The following IRAG2 variants were observed in gnomAD, a reference collection of about 807,000 sequenced individuals.
IRAG2 encodes the protein inositol 1,4,5-triphosphate receptor associated 2.
In IRAG2, 45 loss-of-function variants were observed where a neutral mutation model predicts 69.9. The ratio of observed to expected loss-of-function variants is 0.64; its 90% CI spans 0.51 to 0.83. IRAG2 has a LOEUF of 0.83. IRAG2 is among the 40% of genes least tolerant of loss of function. IRAG2 has a pLI of 0.00. For missense variants in IRAG2, 520 were observed against 587.0 expected, an observed-to-expected ratio of 0.89 and a Z score of 1.18; for synonymous variants, 193 against 202.4, an observed-to-expected ratio of 0.95 and a Z score of 0.40.
exon 15 of IRAG2, chr12:25,036,610 C>A: frequency 5.0e-6 from 2 of 398,866 alleles, no homozygotes; most frequent in Non-Finnish European, 8.8e-6. Flanking sequence ...AAAATTGCAA[C>A]CCTCATTGAA....
At chr12:25,057,044 AC>A (rs369521696) in intron 1 of IRAG2, among the ~76,000 whole-genome samples, 2 of 151,794 alleles carry the variant, frequency 1.3e-5, no homozygotes, top group African/African-American at 4.8e-5. Context: ...CTTTCACCCC[AC>A]CACCACTGTT....
intron 9 of IRAG2, among the ~76,000 whole-genome samples, chr12:25,028,464 G>T: frequency 6.6e-6 from 1 of 151,646 alleles, no homozygotes; most frequent in Admixed American, 6.6e-5. Flanking sequence ...TTTTTTTGTA[G>T]TTTACCAACC....
rs145357908 is a variant in IRAG2, at chr12:25,021,377, A to G, written c.1332+470A>G. Among the ~76,000 whole-genome samples the G allele has an allele frequency of 1.0e-2, 1,516 of 152,194 alleles. 30 individuals are homozygous for G. The highest frequency in any genetic ancestry group is 0.035 in the African/African-American group (1,442 of 41,516). The stretch of plus-strand genomic sequence containing the variant: ...AATGCCTCCTAAAGTCGATAGGAGA[A>G]TTCAAAAATATCTGATACTAAAAAC... On this transcript the variant is annotated intron_variant, in intron 7 of 38. Coordinates refer to the IRAG2 transcript ENST00000636465.
intron 17 of IRAG2, chr12:25,102,856 T>G (rs1948833873): frequency 1.3e-5 from 2 of 152,276 alleles, no homozygotes. Context: ...GAAGGTCAAC[T>G]GGCAGGTTTT....
intron 10 of IRAG2, among the ~76,000 whole-genome samples, chr12:25,087,487 C>T (rs1050869598): frequency 1.3e-5 from 2 of 152,076 alleles, no homozygotes; most frequent in African/African-American, 4.8e-5. Flanking sequence ...CTATTAAGAG[C>T]ACTTGTTTAT....
intron 10 of IRAG2, among the ~76,000 whole-genome samples, chr12:25,086,109 CTT>C (rs1947587529): frequency 6.6e-6 from 1 of 152,110 alleles, no homozygotes; most frequent in Non-Finnish European, 1.5e-5. Flanking sequence ...CATAAAGACA[CTT>C]TTTAAAATAA....
intron 9 of IRAG2, among the ~76,000 whole-genome samples, chr12:25,028,211 C>A (rs982478513): frequency 6.6e-6 from 1 of 152,316 alleles, no homozygotes; most frequent in South Asian, 2.1e-4. Flanking sequence ...AGGGGTGAAC[C>A]ACCACGCCTG....
In IRAG2 at chr12:25,052,896, A is replaced by G. The variant is rs1030095777; in HGVS notation, c.-507A>G. 2.0e-5 allele frequency: 8 copies of G among 398,494 alleles called. No homozygotes were observed. Among genetic ancestry groups the G allele is most frequent in the East Asian group, 1.4e-4 (4 of 28,092 alleles). The allele number at this position is 398,494 out of a possible 1,614,324, so 24.7% of individuals were successfully genotyped here. A position where few individuals can be genotyped will look rare whatever the true frequency, so the allele number is the denominator to read the frequency against. ...TTCGGAACAACGGAACCTTCAAACT[A>G]TAAATACTGAATTATCGAACACTTG... On this transcript the variant is annotated 5_prime_UTR_variant, in exon 1 of 22. Coordinates refer to ENST00000556887, the MANE Select transcript of IRAG2 (RefSeq NM_001366544.2).
chr12:25,023,848 T>C, intron 7 of IRAG2: 2 of 1,175,294 alleles, frequency 1.7e-6, no homozygotes, highest in Non-Finnish European at 2.1e-6. Flanking sequence ...TATATTTTAA[T>C]TATTTTTCTC....
chr12:25,024,267 G>A (rs1490734009), intron 8 of IRAG2, among the ~76,000 whole-genome samples: 1 of 152,160 alleles, frequency 6.6e-6, no homozygotes, highest in Non-Finnish European at 1.5e-5. Flanking sequence ...CAAGAGTCTT[G>A]AGTCTACGAT....
At chr12:25,048,043 G>A (rs1254540631), upstream of IRAG2, among the ~76,000 whole-genome samples, 1 of 152,198 alleles carries the variant, frequency 6.6e-6, no homozygotes, top group East Asian at 1.9e-4. Context: ...TTACCACACT[G>A]CCTTCCACAA....
upstream of IRAG2, among the ~76,000 whole-genome samples, chr12:24,999,591 T>C (rs965860813): frequency 1.3e-5 from 2 of 152,174 alleles, no homozygotes; most frequent in African/African-American, 4.8e-5. Context: ...AAGTGGAAAT[T>C]CCTCTAACAG....
At position 25,101,147 on chromosome 12, in the gene IRAG2, A is replaced by G. The variant is rs751637644; in HGVS notation, c.742-31A>G. ...CTTTTAATTGAGAGTAGTATTTTCA[A>G]TGTAAATGTGCTCGTTTTTTCTCTT... On this transcript the variant is annotated intron_variant, in intron 15 of 21. Transcript: ENST00000556887. The G allele has an allele frequency of 8.2e-6, 13 of 1,580,928 alleles. No individual in the cohort carries two copies. In the Admixed American group the frequency reaches 1.2e-4, roughly 15 times the overall value.
intron 16 of IRAG2, among the ~76,000 whole-genome samples, chr12:25,044,807 A>G (rs1944779186): frequency 6.6e-6 from 1 of 152,166 alleles, no homozygotes; most frequent in Non-Finnish European, 1.5e-5. Context: ...ATAGACAGCA[A>G]TAAAATAATA....
Position 25,004,915 on chromosome 12 carries a change from G to T in IRAG2, c.574G>T (p.Gly192Ter). The change falls in exon 1 of 39, where the codon GGA becomes TGA. Residue 192 changes from glycine (G) to a stop codon, truncating the protein, a stop_gained and splice_region_variant. Transcript: ENST00000636465. LOFTEE classifies it high-confidence loss of function. Reference sequence around the variant, plus strand: ...AAAAAAATTATCTCTGAATGAAGATGGTAAATATTCATCTTTTAATGTTTG... The same window carrying T: ...AAAAAAATTATCTCTGAATGAAGATTGTAAATATTCATCTTTTAATGTTTG... The T allele has an allele frequency of 8.2e-7, 1 of 1,222,560 alleles. No individual in the cohort carries two copies. Among genetic ancestry groups the T allele is most frequent in the South Asian group, 4.2e-5 (1 of 24,092 alleles). The allele number at this position is 1,222,560 out of a possible 1,614,324, so 75.7% of individuals were successfully genotyped here.
At chr12:25,024,633 G>A (rs1233038001) in intron 8 of IRAG2, among the ~76,000 whole-genome samples, 1 of 152,140 alleles carries the variant, frequency 6.6e-6, no homozygotes, top group Non-Finnish European at 1.5e-5. Flanking sequence ...AAGTATTTAT[G>A]AAGCTATGCA....
At chr12:25,043,104 T>A (rs1315781625) in intron 16 of IRAG2, among the ~76,000 whole-genome samples, 1 of 151,896 alleles carries the variant, frequency 6.6e-6, no homozygotes, top group African/African-American at 2.4e-5. Context: ...CAACAATACA[T>A]GAACAAATTC....
chr12:25,015,182 G>T (rs1413378802), exon 4 of IRAG2: 2 of 1,186,758 alleles, frequency 1.7e-6, no homozygotes, highest in South Asian at 4.2e-5. Flanking sequence ...TTGGCTACAG[G>T]GAAGGAGTGA....
intron 4 of IRAG2, among the ~76,000 whole-genome samples, chr12:25,064,719 G>A (rs11047800): frequency 0.34 from 51,314 of 152,068 alleles, 9,185 homozygotes; most frequent in East Asian, 0.67. Flanking sequence ...GTGTCAGGCA[G>A]TATAAATTAG....
Sources: gnomAD v4.1 joint callset for allele counts (sites outside exome capture counted in the v4.1 genomes callset) on GRCh38, gnomAD v4.1.1 for gene constraint, MANE v1.5 for transcripts, NCBI Gene and HGNC (gene_info 2026-07-23, HGNC 2026-07-21) for gene names.